FANCB: variants seen among roughly 807,000 people sequenced by gnomAD.
FANCB encodes the protein FA complementation group B.
Under a neutral mutation model 38.9 loss-of-function variants are expected in FANCB, and 5 were observed. The observed-to-expected ratio is 0.13, with a 90% CI of 0.07 to 0.27. The LOEUF is 0.27. Among genes scored for constraint, FANCB ranks in the 10% least tolerant of loss-of-function variants. FANCB has a pLI of 1.00. For missense variants in FANCB, 573 were observed against 602.7 expected, an observed-to-expected ratio of 0.95 and a Z score of 0.52; for synonymous variants, 236 against 215.4, an observed-to-expected ratio of 1.10 and a Z score of -0.84.
the FANCB span, among the ~76,000 whole-genome samples, chrX:14,801,454 C>A: frequency 1.4e-4 from 16 of 111,872 alleles, no homozygotes; most frequent in Middle Eastern, 9.2e-3. Context: ...CAACAGGATT[C>A]CTCAAACTAC....
chrX:14,713,659 CT>C, the FANCB span, among the ~76,000 whole-genome samples: 2 of 111,542 alleles, frequency 1.8e-5, no homozygotes, highest in African/African-American at 6.5e-5. Context: ...ATAGAAAATT[CT>C]ATTCAAAATA....
Position 14,857,884 on chromosome X carries a change from G to A in FANCB, c.1175C>T (p.Pro392Leu), listed in dbSNP as rs2092429596. ...DKQENRYLVV[P>L]PLETGLKVCF... Reference sequence around the variant, plus strand: ...AACTTTCAGTCCTGTTTCTAGAGGTGGAACCACCAGGTAACGATTCTCTTG... The same window carrying A: ...AACTTTCAGTCCTGTTTCTAGAGGTAGAACCACCAGGTAACGATTCTCTTG... Residue 392 changes from proline to leucine, a missense_variant, in exon 5 of 10, where the codon CCA becomes CTA. Transcript: ENST00000650831. The A allele has an allele frequency of 8.4e-7, 1 of 1,191,902 alleles. No individual in the cohort carries two copies. Among genetic ancestry groups the A allele is most frequent in the Non-Finnish European group, 1.1e-6 (1 of 878,323 alleles).
At chrX:14,693,115 T>C in the FANCB span, among the ~76,000 whole-genome samples, 2 of 108,728 alleles carry the variant, frequency 1.8e-5, no homozygotes, top group Admixed American at 2.0e-4. Context: ...AAGTGGTAGA[T>C]TAAACCCAAA....
At chrX:14,861,001 G>A (rs2092444283) in intron 3 of FANCB, among the ~76,000 whole-genome samples, 2 of 110,741 alleles carry the variant, frequency 1.8e-5, no homozygotes, top group South Asian at 7.6e-4. Context: ...TCCCACCTCG[G>A]CCTCCCAAGT....
chrX:14,845,079 G>T lies in FANCB; in HGVS notation c.1704C>A (p.His568Gln). ...SKKEESFVCE[H>Q]PSKKECVQII... ...TCTGTACACACTCTTTCTTAGATGG[G>T]TGTTCACAAACAAAGCTTTCCTCTT... is the stretch of plus-strand genomic sequence containing the variant. The change falls in exon 8 of 10, where the codon CAC becomes CAA. Residue 568 changes from histidine to glutamine, a missense_variant. By Grantham distance (24) the His-to-Gln change is conservative. Transcript: ENST00000650831. The T allele has an allele frequency of 8.3e-7, 1 of 1,209,042 alleles. No homozygotes were observed. The highest frequency in any genetic ancestry group is 1.1e-6 in the Non-Finnish European group (1 of 892,894).
At chrX:14,754,525 T>A in the FANCB span, among the ~76,000 whole-genome samples, 2 of 111,814 alleles carry the variant, frequency 1.8e-5, no homozygotes, top group Non-Finnish European at 3.8e-5. Context: ...TATGTTACCC[T>A]GATATTTGAT....
chrX:14,734,636 C>G, the FANCB span, among the ~76,000 whole-genome samples: 1 of 112,028 alleles, frequency 8.9e-6, no homozygotes, highest in Non-Finnish European at 1.9e-5. Flanking sequence ...CCCAACCTTT[C>G]TCTCTGGCTG....
the FANCB span, among the ~76,000 whole-genome samples, chrX:14,815,373 TAAAAA>T: frequency 8.6e-5 from 8 of 93,257 alleles, no homozygotes; most frequent in East Asian, 2.0e-3. Flanking sequence ...CCATAAAAGG[TAAAAA>T]AAAAAAGAAA....
At chrX:14,793,698 G>A in the FANCB span, among the ~76,000 whole-genome samples, 3 of 112,273 alleles carry the variant, frequency 2.7e-5, no homozygotes, top group African/African-American at 9.7e-5. Context: ...CGTAGAGAGA[G>A]GACAAGGATG....
At chrX:14,764,927 A>G in the FANCB span, among the ~76,000 whole-genome samples, 8 of 112,313 alleles carry the variant, frequency 7.1e-5, no homozygotes, top group African/African-American at 6.5e-5. Flanking sequence ...CCCATGTGGC[A>G]AGGAACTCAG....
chrX:14,844,652 C>T lies in FANCB; in HGVS notation c.2016G>A (p.Met672Ile). 8.3e-7 allele frequency: 1 copy of T among 1,209,950 alleles called. No homozygotes were observed. The highest frequency in any genetic ancestry group is 3.0e-5 in the East Asian group (1 of 33,831). The change falls in exon 9 of 10, where the codon ATG becomes ATA. Residue 672 changes from methionine to isoleucine, a missense_variant. Met to Ile is a conservative substitution (Grantham distance 10). Transcript: ENST00000650831. Reference sequence around the variant, plus strand: ...TCATATGTTCTAAGAGCCACACCTTCATTGAATTCAGGGCATAGCCGGGTG... The same window carrying T: ...TCATATGTTCTAAGAGCCACACCTTTATTGAATTCAGGGCATAGCCGGGTG... ...ITSPGYALNS[M>I]KVWLLEHMKC...
At position 14,857,846 on chromosome X, in the gene FANCB, GCAAA is replaced by G; in HGVS notation, c.1197+12_1197+15del. Reference sequence around the variant, plus strand: ...TAACACTAATCGAAAAGCAAAAGAAGCAAACAGACACTAACTTTCAGTCCTGTTT... The same window carrying G: ...TAACACTAATCGAAAAGCAAAAGAAGCAGACACTAACTTTCAGTCCTGTTT... On this transcript the variant is annotated intron_variant, in intron 5 of 9. Transcript: ENST00000650831. The G allele has an allele frequency of 1.9e-6, 2 of 1,067,964 alleles. No individual in the cohort carries two copies. The highest frequency in any genetic ancestry group is 2.6e-6 in the Non-Finnish European group (2 of 765,083). 88.0% of individuals were successfully genotyped at this position (1,067,964 alleles called of 1,213,427 possible). A position where few individuals can be genotyped will look rare whatever the true frequency, so the allele number is the denominator to read the frequency against.
chrX:14,824,054 T>C, the FANCB span, among the ~76,000 whole-genome samples: 1 of 111,159 alleles, frequency 9.0e-6, no homozygotes, highest in African/African-American at 3.3e-5. Flanking sequence ...AAGCATGCAG[T>C]TTATATAGTG....
At chrX:14,766,086 C>T in the FANCB span, among the ~76,000 whole-genome samples, 1 of 111,494 alleles carries the variant, frequency 9.0e-6, no homozygotes, top group Admixed American at 9.5e-5. Context: ...ACACTGCCCC[C>T]ACATCAAATA....
At chrX:14,748,977 G>A in the FANCB span, among the ~76,000 whole-genome samples, 1 of 111,955 alleles carries the variant, frequency 8.9e-6, no homozygotes, top group Non-Finnish European at 1.9e-5. Flanking sequence ...CTTAAGCAGG[G>A]CTTGAAACAA....
the FANCB span, among the ~76,000 whole-genome samples, chrX:14,809,722 C>T: frequency 2.7e-5 from 3 of 112,843 alleles, no homozygotes; most frequent in Admixed American, 9.3e-5. Flanking sequence ...GGAGGCCTGC[C>T]TGCCTCTGCA....
At chrX:14,710,612 C>T in the FANCB span, among the ~76,000 whole-genome samples, 7 of 111,603 alleles carry the variant, frequency 6.3e-5, no homozygotes, top group African/African-American at 9.8e-5. Flanking sequence ...ATATTATGTA[C>T]GTCAAAGATA....
At chrX:14,813,930 A>G in the FANCB span, among the ~76,000 whole-genome samples, 29 of 111,900 alleles carry the variant, frequency 2.6e-4, no homozygotes, top group African/African-American at 9.1e-4. Flanking sequence ...AAACTATACC[A>G]CAAGGCTACA....
At chrX:14,863,060 T>G (rs1450465811) in intron 3 of FANCB, among the ~76,000 whole-genome samples, 4 of 112,355 alleles carry the variant, frequency 3.6e-5, no homozygotes, top group Non-Finnish European at 7.5e-5. Context: ...TTATTTTCCT[T>G]TTGCATTCTC....
Sources: allele counts gnomAD v4.1 joint callset (sites outside exome capture counted in the v4.1 genomes callset), GRCh38; gene constraint gnomAD v4.1.1; transcripts MANE v1.5; gene names NCBI Gene and HGNC (gene_info 2026-07-23, HGNC 2026-07-21).